The following SLC12A3 variants were observed in gnomAD, a reference collection of about 807,000 sequenced individuals.
SLC12A3 encodes Na-Cl cotransporter.
Under a neutral mutation model 121.0 loss-of-function variants are expected in SLC12A3, and 104 were observed. The observed-to-expected ratio is 0.86, with a 90% confidence interval of 0.73 to 1.01. The LOEUF (loss-of-function observed/expected upper bound fraction) is 1.01, where lower values mean the gene tolerates loss of function less well. SLC12A3 is among the 50% of genes least tolerant of loss of function. SLC12A3 has a pLI of 0.00. For synonymous variants in SLC12A3, 536 were observed against 533.4 expected, an observed-to-expected ratio of 1.00 and a Z score of -0.07; for missense variants, 1,328 against 1,356.3, an observed-to-expected ratio of 0.98 and a Z score of 0.33.
chr16:56,902,093 C>T (rs1338516672), intron 23 of SLC12A3: 3 of 468,804 alleles, frequency 6.4e-6, no homozygotes, highest in Non-Finnish European at 7.9e-6. Context: ...TTGTGTAGCA[C>T]AGAGCCTGGT....
intron 25 of SLC12A3, among the ~76,000 whole-genome samples, chr16:56,910,251 G>A (rs1177052059): frequency 6.6e-6 from 1 of 151,516 alleles, no homozygotes; most frequent in Non-Finnish European, 1.5e-5. Context: ...TCGGCTCACG[G>A]CAACCTCTTT....
chr16:56,868,150 C>T (rs1567425631), intron 2 of SLC12A3, 147 bp from the exon 3 acceptor site: 2 of 746,108 alleles, frequency 2.7e-6, no homozygotes, highest in East Asian at 5.4e-5. Flanking sequence ...TAGAACCAGA[C>T]TCGGAACCTA....
At chr16:56,903,396 A>G (rs565836136) in intron 24 of SLC12A3, among the ~76,000 whole-genome samples, 5 of 152,222 alleles carry the variant, frequency 3.3e-5, no homozygotes, top group East Asian at 3.9e-4. Context: ...TTCTACCCCC[A>G]GTGTCAGTCA....
At chr16:56,890,167 C>T (rs765372626) in intron 18 of SLC12A3, 107 bp from the exon 19 acceptor site, 57 of 817,648 alleles carry the variant, frequency 7.0e-5, no homozygotes, top group Middle Eastern at 2.8e-4. Flanking sequence ...ACAGAAAGGG[C>T]GTGGTAGGAA....
rs776351641 is a variant in SLC12A3, at chr16:56,872,715, G to T, written c.1024G>T (p.Gly342Ter). 8 of 1,614,232 alleles carry T rather than the reference G, an allele frequency of 5.0e-6. No individual in the cohort carries two copies. The highest frequency in any genetic ancestry group is 6.8e-6 in the Non-Finnish European group (8 of 1,180,040). ...GCGGGGTCCAGATGGCACCTTCTTC[G>T]GAATGTTCTCCATCTTCTTCCCCTC... ...DWRGPDGTFFGMFSIFFPSAT... is the reference protein window; with the variant it reads ...DWRGPDGTFF The change falls in exon 8 of 26, where the codon GGA becomes TGA. Residue 342 changes from glycine (G) to a stop codon, truncating the protein, a stop_gained. Transcript: ENST00000563236. LOFTEE classifies it high-confidence loss of function.
intron 25 of SLC12A3, among the ~76,000 whole-genome samples, chr16:56,905,338 C>CA (rs59206129): frequency 0.21 from 10,415 of 50,008 alleles, 1,069 homozygotes; most frequent in African/African-American, 0.26. Context: ...AACTCCGTCT[C>CA]AAAAAAAAAA....
At chr16:56,868,216 C>T (rs1964403935) in intron 2 of SLC12A3, 81 bp from the exon 3 acceptor site, 3 of 1,360,484 alleles carry the variant, frequency 2.2e-6, no homozygotes, top group South Asian at 2.4e-5. Flanking sequence ...GCTCGATACC[C>T]TGCCATAGCA....
intron 10 of SLC12A3, 125 bp from the exon 11 acceptor site, chr16:56,879,417 T>C: frequency 9.5e-7 from 1 of 1,056,274 alleles, no homozygotes; most frequent in African/African-American, 1.6e-5. Context: ...TCTCCAGGGG[T>C]GGGTTGTGGA....
intron 25 of SLC12A3, among the ~76,000 whole-genome samples, chr16:56,911,991 A>G (rs1409632230): frequency 6.6e-6 from 1 of 152,220 alleles, no homozygotes; most frequent in Admixed American, 6.5e-5. Flanking sequence ...AACTCTGCAA[A>G]GGTCATCTGG....
At chr16:56,870,056 G>A (rs373553823) in intron 4 of SLC12A3, 40 bp from the exon 5 acceptor site, 266 of 1,608,510 alleles carry the variant, frequency 1.7e-4, no homozygotes, top group Non-Finnish European at 2.1e-4. Flanking sequence ...CCAGCCAACC[G>A]ACTCATCTGG....
intron 24 of SLC12A3, 113 bp downstream of exon 24, chr16:56,902,621 A>C: frequency 3.0e-6 from 4 of 1,330,870 alleles, no homozygotes; most frequent in African/African-American, 1.4e-5. Flanking sequence ...CCTGCCTTCC[A>C]CTCCGGCCCC....
intron 25 of SLC12A3, chr16:56,904,709 C>T (rs1352201614): frequency 2.0e-6 from 1 of 491,098 alleles, no homozygotes; most frequent in South Asian, 2.0e-5. Flanking sequence ...GTGACCTCCC[C>T]TTGCCATTGC....
intron 11 of SLC12A3, among the ~76,000 whole-genome samples, 188 bp from the exon 12 acceptor site, chr16:56,879,942 T>C (rs1259651784): frequency 1.3e-5 from 2 of 152,056 alleles, no homozygotes; most frequent in African/African-American, 4.8e-5. Flanking sequence ...TCATGCTCTT[T>C]TACTGTCTTT....
chr16:56,871,023 C>T (rs943252964), intron 6 of SLC12A3, among the ~76,000 whole-genome samples: 1 of 152,052 alleles, frequency 6.6e-6, no homozygotes, highest in Non-Finnish European at 1.5e-5. Flanking sequence ...TTTGTAGAGA[C>T]GGGGTTTCAC....
At chr16:56,878,489 A>G (rs759720557) in intron 9 of SLC12A3, among the ~76,000 whole-genome samples, 5 of 150,970 alleles carry the variant, frequency 3.3e-5, no homozygotes, top group Admixed American at 6.6e-5. Flanking sequence ...TGATGATGAT[A>G]ATGATACCAG....
intron 6 of SLC12A3, among the ~76,000 whole-genome samples, chr16:56,871,170 T>C (rs2055091836): frequency 6.6e-6 from 1 of 152,114 alleles, no homozygotes. Context: ...TAGGTCCACA[T>C]GGCCCAGGGT....
At chr16:56,901,347 C>CTTTTTTTTTTTTTTTT (rs113592874) in intron 23 of SLC12A3, among the ~76,000 whole-genome samples, 84 of 128,874 alleles carry the variant, frequency 6.5e-4, no homozygotes, top group African/African-American at 2.4e-3. Flanking sequence ...CTCTCTCTCT[C>CTTTTTTTTTTTTTTTT]TTTTTTTTTT....
In SLC12A3 at chr16:56,913,520, A is replaced by G. The variant is rs2065071755; in HGVS notation, c.*115A>G. The stretch of plus-strand genomic sequence containing the variant: ...GTTCTGTTGCACTTTAAGTGGCAGC[A>G]TCTGATGATCTCACCGAAAAAGATG... On this transcript the variant is annotated 3_prime_UTR_variant, in exon 26 of 26. Coordinates refer to ENST00000563236, the MANE Select transcript of SLC12A3 (RefSeq NM_001126108.2). 2.8e-6 allele frequency: 3 copies of G among 1,058,192 alleles called. No individual in the cohort carries two copies. Among genetic ancestry groups the G allele is most frequent in the Non-Finnish European group, 4.4e-6 (3 of 675,682 alleles). The allele number at this position is 1,058,192 out of a possible 1,614,324, so 65.6% of individuals were successfully genotyped here.
At chr16:56,883,995 C>A in intron 13 of SLC12A3, 54 bp from the exon 14 acceptor site, 2 of 1,604,420 alleles carry the variant, frequency 1.2e-6, no homozygotes, top group Non-Finnish European at 1.7e-6. Flanking sequence ...CAGCTCTGGC[C>A]TAGAAAGAGG....
Sources: allele counts gnomAD v4.1 joint callset (sites outside exome capture counted in the v4.1 genomes callset), GRCh38; gene constraint gnomAD v4.1.1; transcripts MANE v1.5; gene names NCBI Gene and HGNC (gene_info 2026-07-23, HGNC 2026-07-21).